Variants in CNBD1 observed in about 807,000 individuals in gnomAD.
The protein encoded by CNBD1 is cyclic nucleotide binding domain containing 1.
In CNBD1, 71 loss-of-function variants were observed where a neutral mutation model predicts 54.4. The ratio of observed to expected loss-of-function variants is 1.30; its 90% CI spans 1.08 to 1.59. CNBD1 has a LOEUF of 1.59. CNBD1 is among the 40% of genes most tolerant of loss of function. The pLI is 0.00. For missense variants in CNBD1, 659 were observed against 518.0 expected, an observed-to-expected ratio of 1.27 and a Z score of -2.64; for synonymous variants, 182 against 170.7, an observed-to-expected ratio of 1.07 and a Z score of -0.51.
intron 4 of CNBD1, among the ~76,000 whole-genome samples, chr8:87,194,369 A>G (rs1295029906): frequency 6.6e-6 from 1 of 152,242 alleles, no homozygotes; most frequent in Non-Finnish European, 1.5e-5. Flanking sequence ...CTGAGTGTCT[A>G]AAGTGAACAT....
chr8:87,055,912 TTC>T (rs1810407469), intron 4 of CNBD1, among the ~76,000 whole-genome samples: 1 of 141,668 alleles, frequency 7.1e-6, no homozygotes, highest in Admixed American at 7.2e-5. Context: ...CCTTCCTTCC[TTC>T]CTTCCTTCCT....
At chr8:87,186,365 T>G (rs192940694) in intron 4 of CNBD1, among the ~76,000 whole-genome samples, 2 of 152,252 alleles carry the variant, frequency 1.3e-5, no homozygotes, top group East Asian at 1.9e-4. Context: ...AAAGATTTCT[T>G]CTCTCTTTAG....
intron 4 of CNBD1, among the ~76,000 whole-genome samples, chr8:87,179,434 G>A (rs1281191780): frequency 6.6e-6 from 1 of 152,134 alleles, no homozygotes; most frequent in Non-Finnish European, 1.5e-5. Context: ...CTCTCTTAAA[G>A]AAGAGTCTAA....
At chr8:87,353,907 G>GTGA in intron 10 of CNBD1, 121 bp downstream of exon 10, 1 of 645,582 alleles carries the variant, frequency 1.5e-6, no homozygotes, top group Non-Finnish European at 2.6e-6. Flanking sequence ...ACCTGCAAAG[G>GTGA]ATGGAGTATT....
intron 4 of CNBD1, among the ~76,000 whole-genome samples, chr8:87,118,389 T>C (rs1266610659): frequency 6.8e-6 from 1 of 147,452 alleles, no homozygotes; most frequent in Non-Finnish European, 1.5e-5. Context: ...TAGGTGGAGG[T>C]GCATGGTTCA....
chr8:87,339,271 A>T (rs1810014572), intron 8 of CNBD1, among the ~76,000 whole-genome samples: 1 of 152,220 alleles, frequency 6.6e-6, no homozygotes, highest in African/African-American at 2.4e-5. Flanking sequence ...ACTCATAAAA[A>T]TTCGAGCATC....
chr8:86,966,642 G>T (rs1808081937), intron 4 of CNBD1, among the ~76,000 whole-genome samples: 2 of 152,140 alleles, frequency 1.3e-5, no homozygotes, highest in Non-Finnish European at 1.5e-5. Context: ...TGCGGTGAGT[G>T]TTACAGCTCT....
intron 4 of CNBD1, among the ~76,000 whole-genome samples, chr8:87,135,714 T>C (rs1230416377): frequency 6.7e-6 from 1 of 149,752 alleles, no homozygotes; most frequent in African/African-American, 2.4e-5. Context: ...TAAAACTATT[T>C]ATGATCCAGA....
At chr8:87,258,385 G>C (rs911179050) in intron 6 of CNBD1, among the ~76,000 whole-genome samples, 3 of 151,654 alleles carry the variant, frequency 2.0e-5, no homozygotes, top group African/African-American at 7.3e-5. Flanking sequence ...TGTGTGTGTA[G>C]TGTATTTAAA....
intron 2 of CNBD1, among the ~76,000 whole-genome samples, chr8:87,416,802 C>T (rs1807845266): frequency 6.6e-6 from 1 of 151,914 alleles, no homozygotes; most frequent in South Asian, 2.1e-4. Context: ...ATGAGTATTA[C>T]CAAAAACAGA....
chr8:86,877,018 T>C (rs1342716438), intron 1 of CNBD1, among the ~76,000 whole-genome samples: 1 of 152,102 alleles, frequency 6.6e-6, no homozygotes, highest in African/African-American at 2.4e-5. Flanking sequence ...TTATCAACTT[T>C]AGAAAATGCA....
intron 8 of CNBD1, among the ~76,000 whole-genome samples, chr8:87,333,264 G>T (rs866023605): frequency 6.6e-5 from 10 of 152,156 alleles, no homozygotes; most frequent in South Asian, 2.1e-4. Flanking sequence ...AGCTTAAGGA[G>T]TTTTTGGGAT....
chr8:86,968,710 C>T (rs1334500115), intron 4 of CNBD1, among the ~76,000 whole-genome samples: 5 of 152,168 alleles, frequency 3.3e-5, no homozygotes, highest in African/African-American at 1.2e-4. Flanking sequence ...CAGCCTTTCA[C>T]TTAATATACA....
intron 3 of CNBD1, among the ~76,000 whole-genome samples, chr8:86,918,598 T>G (rs1809223570): frequency 1.3e-5 from 2 of 151,868 alleles, no homozygotes; most frequent in Non-Finnish European, 2.9e-5. Flanking sequence ...TATAAGGGGT[T>G]TCCCCTTCTG....
intron 8 of CNBD1, among the ~76,000 whole-genome samples, chr8:87,295,960 T>A (rs1359666122): frequency 6.6e-6 from 1 of 152,260 alleles, no homozygotes; most frequent in East Asian, 1.9e-4. Context: ...CTTTTAAAAA[T>A]GCGAACTCTT....
At chr8:87,125,635 T>G (rs1051543616) in intron 4 of CNBD1, among the ~76,000 whole-genome samples, 1 of 151,884 alleles carries the variant, frequency 6.6e-6, no homozygotes, top group African/African-American at 2.4e-5. Context: ...TATTAAAAAT[T>G]TGTGTTGTCT....
chr8:86,952,720 A>G (rs1029252008), intron 4 of CNBD1, among the ~76,000 whole-genome samples: 1 of 152,150 alleles, frequency 6.6e-6, no homozygotes, highest in Non-Finnish European at 1.5e-5. Context: ...AAGGTGTGAT[A>G]TAAACCATTT....
intron 4 of CNBD1, among the ~76,000 whole-genome samples, chr8:87,079,888 T>C (rs1201847845): frequency 6.6e-6 from 1 of 152,238 alleles, no homozygotes; most frequent in African/African-American, 2.4e-5. Flanking sequence ...AATTAAGAAA[T>C]ACTTGGCTAA....
chr8:87,165,669 G>A (rs942787251), intron 4 of CNBD1, among the ~76,000 whole-genome samples: 1 of 151,778 alleles, frequency 6.6e-6, no homozygotes, highest in South Asian at 2.1e-4. Flanking sequence ...TCTAGTAGGC[G>A]CATATAGTTG....
Sources: gnomAD v4.1 joint callset for allele counts (sites outside exome capture counted in the v4.1 genomes callset) on GRCh38, gnomAD v4.1.1 for gene constraint, MANE v1.5 for transcripts, NCBI Gene and HGNC (gene_info 2026-07-23, HGNC 2026-07-21) for gene names.